The following SP1 variants were observed in gnomAD, a reference collection of about 807,000 sequenced individuals.
SP1 encodes Sp1 transcription factor, also known as transcription factor Sp1.
In SP1, 6 loss-of-function variants were observed where a neutral mutation model predicts 66.3. The ratio of observed to expected loss-of-function variants is 0.09; its 90% confidence interval spans 0.05 to 0.18. The LOEUF is 0.18. Among genes scored for constraint, SP1 ranks in the 10% least tolerant of loss-of-function variants. The pLI, the probability that SP1 is intolerant of heterozygous loss-of-function variation, is 1.00. For synonymous variants in SP1, 417 were observed against 360.8 expected (o/e 1.16, Z -1.77); for missense variants, 848 against 964.5 (o/e 0.88, Z 1.60).
At chr12:53,405,682 AGAG>A (rs766483098) in intron 3 of SP1, among the ~76,000 whole-genome samples, 46 of 147,306 alleles carry the variant, frequency 3.1e-4, no homozygotes, top group Non-Finnish European at 5.6e-4. Flanking sequence ...AGGAAAGAAA[AGAG>A]AGAGAGAGAG....
At chr12:53,381,533 T>G in intron 1 of SP1, 126 bp from the exon 2 acceptor site, 1 of 815,232 alleles carries the variant, frequency 1.2e-6, no homozygotes, top group Non-Finnish European at 1.9e-6. Context: ...CAATCCATTT[T>G]CTTTATACTG....
intron 3 of SP1, among the ~76,000 whole-genome samples, chr12:53,397,032 T>A (rs966514340): frequency 1.3e-5 from 2 of 152,178 alleles, no homozygotes; most frequent in Non-Finnish European, 2.9e-5. Context: ...TTTTTTGTTT[T>A]GAGCGGGAGT....
chr12:53,406,876 G>A (rs1321251048), intron 4 of SP1, 123 bp downstream of exon 4: 1 of 779,532 alleles, frequency 1.3e-6, no homozygotes, highest in African/African-American at 1.8e-5. Context: ...CCAGGCTGGA[G>A]TGCAGTGGCG....
intron 1 of SP1, 56 bp from the exon 2 acceptor site, chr12:53,381,603 T>C: frequency 2.0e-6 from 3 of 1,494,394 alleles, no homozygotes; most frequent in Non-Finnish European, 1.8e-6. Context: ...TTATCCTTCC[T>C]ACTTCATTTC....
At chr12:53,380,400 AGGCGGCGGC>A (rs949953012) in intron 1 of SP1, 102 bp downstream of exon 1, 3 of 1,061,498 alleles carry the variant, frequency 2.8e-6, no homozygotes, top group Non-Finnish European at 3.7e-6. Flanking sequence ...GGCGGGCGGG[AGGCGGCGGC>A]GGCGGCGGCC....
intron 3 of SP1, among the ~76,000 whole-genome samples, chr12:53,390,889 A>C (rs1441781020): frequency 6.6e-6 from 1 of 152,168 alleles, no homozygotes; most frequent in African/African-American, 2.4e-5. Flanking sequence ...AGAAACGTTT[A>C]GTATCTGTTC....
chr12:53,394,977 G>A (rs1166497845), intron 3 of SP1, among the ~76,000 whole-genome samples: 4 of 151,766 alleles, frequency 2.6e-5, no homozygotes, highest in African/African-American at 9.7e-5. Flanking sequence ...GCAATCCTCC[G>A]ACTCAGCCTC....
In SP1 at chr12:53,415,614, C is replaced by T. The variant is rs552211536; in HGVS notation, c.*4374C>T. ...GCATGATGATCTGCCTCTCAACTGC[C>T]CTAAGTCCTAGCTAAGTATCAGGGG... is the stretch of plus-strand genomic sequence containing the variant. On this transcript the variant is annotated 3_prime_UTR_variant, in exon 6 of 6. Transcript: ENST00000327443. The T allele has an allele frequency of 6.6e-6, 1 of 151,456 alleles. No homozygotes were observed. Among genetic ancestry groups the T allele is most frequent in the Non-Finnish European group, 1.5e-5 (1 of 67,866 alleles). The allele number at this position is 151,456 out of a possible 1,614,324, so 9.4% of individuals were successfully genotyped here.
rs1039778757 is a variant in SP1 at position 53,414,996 on chromosome 12, A to G, written c.*3756A>G. ...CCCCCTCACTGAAGCTGGGTAGCCTATTGGGGTTGAGAGGGAAAATGTGAA... is the reference window on the plus strand; with the variant it reads ...CCCCCTCACTGAAGCTGGGTAGCCTGTTGGGGTTGAGAGGGAAAATGTGAA... On this transcript the variant is annotated 3_prime_UTR_variant, in exon 6 of 6. Transcript: ENST00000327443. The G allele has an allele frequency of 1.3e-5, 2 of 152,554 alleles. No homozygotes were observed. The highest frequency in any genetic ancestry group is 6.6e-5 in the Admixed American group (1 of 15,260). The allele number at this position is 152,554 out of a possible 1,614,324, so 9.5% of individuals were successfully genotyped here. A position where few individuals can be genotyped will look rare whatever the true frequency, so the allele number is the denominator to read the frequency against.
rs1469619090 is a variant in SP1 at position 53,383,450 on chromosome 12, T to A, written c.1503T>A (p.Thr501=). Residue 501 remains threonine (T), a synonymous_variant, in exon 3 of 6, where the codon ACT becomes ACA. Transcript: ENST00000327443. ...SLGQTSSSNT[T]LTPIASAASI... is the part of the protein sequence containing the mutation. ...GGCAGACCAGCAGCAGCAACACCAC[T>A]CTCACACCCATTGCCTCAGCTGCTT... The A allele has an allele frequency of 6.2e-7, 1 of 1,614,142 alleles. No homozygotes were observed. Among genetic ancestry groups the A allele is most frequent in the Admixed American group, 1.7e-5 (1 of 60,006 alleles).
At chr12:53,397,068 G>A (rs1442197142) in intron 3 of SP1, among the ~76,000 whole-genome samples, 1 of 152,080 alleles carries the variant, frequency 6.6e-6, no homozygotes, top group African/African-American at 2.4e-5. Flanking sequence ...AAGCTAGAGT[G>A]CAGTGGTGCA....
Position 53,411,201 on chromosome 12 carries a change from A to T in SP1, c.2319A>T (p.Ala773=), listed in dbSNP as rs1405344620. 3 of 1,613,472 alleles carry T rather than the reference A, an allele frequency of 1.9e-6. No individual in the cohort carries two copies. Among genetic ancestry groups the T allele is most frequent in the Non-Finnish European group, 2.5e-6 (3 of 1,179,970 alleles). Residue 773 remains alanine (A), a synonymous_variant, in exon 6 of 6, where the codon GCA becomes GCT. Coordinates refer to ENST00000327443, the MANE Select transcript of SP1 (RefSeq NM_138473.3). ...GTGGCATCAACGTCATGCAGGTGGC[A>T]GATCTGCAGTCCATTAATATCAGTG... ...ANSGINVMQV[A]DLQSINISGN... is the part of the protein sequence containing the mutation.
At position 53,389,689 on chromosome 12, in the gene SP1, C is replaced by G. The variant is rs755678418; in HGVS notation, c.1675+6067C>G. On this transcript the variant is annotated intron_variant, in intron 3 of 5. Transcript: ENST00000327443. ...ATTTTGTAGTCATATTTTCCCAGAT[C>G]TTTATTTTATTTTATTTTACTTTTC... 7.9e-5 allele frequency among the ~76,000 whole-genome samples: 12 copies of G among 151,938 alleles called. 1 individual carries two copies. The highest frequency in any genetic ancestry group is 5.3e-4 in the Admixed American group (8 of 15,236).
chr12:53,410,817 A>T, intron 5 of SP1, 110 bp from the exon 6 acceptor site: 1 of 793,324 alleles, frequency 1.3e-6, no homozygotes, highest in Non-Finnish European at 2.1e-6. Flanking sequence ...CTTGTTTTTG[A>T]TCACCTTCTC....
intron 4 of SP1, among the ~76,000 whole-genome samples, chr12:53,407,951 T>C (rs1013270213): frequency 1.4e-5 from 2 of 143,418 alleles, no homozygotes; most frequent in African/African-American, 5.1e-5. Flanking sequence ...TTTTTTTTTT[T>C]AAGACAGATC....
At chr12:53,400,484 C>A (rs896681052) in intron 3 of SP1, among the ~76,000 whole-genome samples, 1 of 152,042 alleles carries the variant, frequency 6.6e-6, no homozygotes, top group African/African-American at 2.4e-5. Context: ...TTTGTTTATA[C>A]GTTTTTGTGT....
At chr12:53,402,895 C>G (rs1233479221) in intron 3 of SP1, among the ~76,000 whole-genome samples, 5 of 151,744 alleles carry the variant, frequency 3.3e-5, no homozygotes, top group Non-Finnish European at 7.4e-5. Context: ...ATCACTGGAA[C>G]CTGGGAGGCA....
At chr12:53,405,978 G>A (rs918667416) in intron 3 of SP1, among the ~76,000 whole-genome samples, 9 of 132,848 alleles carry the variant, frequency 6.8e-5, no homozygotes, top group African/African-American at 1.8e-4. Flanking sequence ...CACATGTACC[G>A]TAAAACTTAA....
chr12:53,409,404 C>T lies in SP1; in HGVS notation c.1887C>T (p.His629=). Reference sequence around the variant, plus strand: ...GCAAAAAGAAACAGCATATTTGCCACATCCAAGGCTGTGGGAAAGTGTATG... The same window carrying T: ...GCAAAAAGAAACAGCATATTTGCCATATCCAAGGCTGTGGGAAAGTGTATG... ...DPGKKKQHIC[H]IQGCGKVYGK... The change falls in exon 5 of 6, where the codon CAC becomes CAT. Residue 629 remains histidine (H), a synonymous_variant. Transcript: ENST00000327443. 6.2e-7 allele frequency: 1 copy of T among 1,614,064 alleles called. No homozygotes were observed. Among genetic ancestry groups the T allele is most frequent in the Non-Finnish European group, 8.5e-7 (1 of 1,180,008 alleles).
Sources: gnomAD v4.1 joint callset for allele counts (sites outside exome capture counted in the v4.1 genomes callset) on GRCh38, gnomAD v4.1.1 for gene constraint, MANE v1.5 for transcripts, NCBI Gene and HGNC (gene_info 2026-07-23, HGNC 2026-07-21) for gene names.